The following TUBGCP3 variants were observed in gnomAD, a reference collection of about 807,000 sequenced individuals.
TUBGCP3 encodes gamma-tubulin complex component 3.
A neutral mutation model predicts 123.1 loss-of-function variants in TUBGCP3; 50 were observed. The observed-to-expected ratio is 0.41, with a 90% CI of 0.32 to 0.51. The LOEUF is 0.51. Among genes scored for constraint, TUBGCP3 ranks in the 20% least tolerant of loss-of-function variants. The pLI, the probability that TUBGCP3 is intolerant of heterozygous loss-of-function variation, is 0.36. For missense variants in TUBGCP3, 882 were observed against 1,127.0 expected, an observed-to-expected ratio of 0.78 and a Z score of 3.11; for synonymous variants, 405 against 413.9, an observed-to-expected ratio of 0.98 and a Z score of 0.26.
At chr13:112,588,618 G>T (rs745523127), upstream of TUBGCP3, among the ~76,000 whole-genome samples, 13 of 152,158 alleles carry the variant, frequency 8.5e-5, no homozygotes, top group Non-Finnish European at 1.8e-4. Context: ...CCCCCGGCCC[G>T]GGTAACTGGG....
chr13:112,492,379 C>G (rs1020935116), intron 20 of TUBGCP3, among the ~76,000 whole-genome samples: 11 of 152,224 alleles, frequency 7.2e-5, no homozygotes, highest in African/African-American at 2.7e-4. Flanking sequence ...TACTATTTTA[C>G]TGTCGTGTAA....
At chr13:112,599,336 C>T in the TUBGCP3 span, among the ~76,000 whole-genome samples, 1 of 152,202 alleles carries the variant, frequency 6.6e-6, no homozygotes, top group Non-Finnish European at 1.5e-5. Context: ...TTACGCTCCA[C>T]TTCCCTACGG....
At chr13:112,543,312 A>G (rs1376869585) in intron 11 of TUBGCP3, among the ~76,000 whole-genome samples, 3 of 152,252 alleles carry the variant, frequency 2.0e-5, no homozygotes, top group East Asian at 1.9e-4. Context: ...TGAGGTAACC[A>G]TTAGTAAAAT....
intron 20 of TUBGCP3, among the ~76,000 whole-genome samples, chr13:112,493,434 A>G (rs1168073401): frequency 7.1e-6 from 1 of 141,232 alleles, no homozygotes; most frequent in African/African-American, 2.7e-5. Flanking sequence ...TGGCTATGGG[A>G]ACATGGCCTG....
intron 4 of TUBGCP3, 32 bp from the exon 5 acceptor site, chr13:112,558,445 A>C: frequency 6.7e-7 from 1 of 1,494,028 alleles, no homozygotes; most frequent in Non-Finnish European, 9.0e-7. Flanking sequence ...GAGCAGAGAC[A>C]GGAAATTACA....
intron 14 of TUBGCP3, among the ~76,000 whole-genome samples, chr13:112,520,834 A>G (rs1876557302): frequency 1.3e-5 from 2 of 152,234 alleles, no homozygotes; most frequent in Admixed American, 6.5e-5. Context: ...GGGGTGACCA[A>G]GTTAGGAACA....
At chr13:112,523,705 C>T (rs560941698) in intron 13 of TUBGCP3, among the ~76,000 whole-genome samples, 1 of 152,190 alleles carries the variant, frequency 6.6e-6, no homozygotes, top group South Asian at 2.1e-4. Flanking sequence ...TCAGTCTTAG[C>T]CCAAAGCAGC....
chr13:112,572,220 G>A (rs1040042080), intron 1 of TUBGCP3, among the ~76,000 whole-genome samples: 4 of 152,216 alleles, frequency 2.6e-5, no homozygotes, highest in Non-Finnish European at 4.4e-5. Flanking sequence ...TTTAAAGTGA[G>A]AGGCATGTGA....
In TUBGCP3 at chr13:112,499,035, A is replaced by G; in HGVS notation, c.2448+10T>C. On this transcript the variant is annotated intron_variant, in intron 20 of 21. Coordinates refer to ENST00000261965, the MANE Select transcript of TUBGCP3 (RefSeq NM_006322.6). ...TCAAATAGATAAATTCACAAGTGTA[A>G]AGACCATACCTCAATTTCACGCTGT... 1 of 1,614,212 alleles carries G rather than the reference A, an allele frequency of 6.2e-7. No individual in the cohort carries two copies.
At chr13:112,599,789 G>A in the TUBGCP3 span, among the ~76,000 whole-genome samples, 1 of 152,112 alleles carries the variant, frequency 6.6e-6, no homozygotes. Context: ...AAAGTGCTGG[G>A]ATTACAGGCA....
intron 3 of TUBGCP3, among the ~76,000 whole-genome samples, chr13:112,561,279 C>T (rs916659177): frequency 2.0e-5 from 3 of 152,192 alleles, no homozygotes; most frequent in Non-Finnish European, 2.9e-5. Context: ...AACAGGGGCC[C>T]GTGAGGCTCA....
the TUBGCP3 span, among the ~76,000 whole-genome samples, chr13:112,596,972 A>G: frequency 6.6e-6 from 1 of 152,380 alleles, no homozygotes; most frequent in Middle Eastern, 3.4e-3. Flanking sequence ...CCTGGGAACC[A>G]AGATTTGGGA....
intron 1 of TUBGCP3, 114 bp from the exon 2 acceptor site, chr13:112,569,373 A>G (rs1881226690): frequency 1.2e-6 from 1 of 845,216 alleles, no homozygotes; most frequent in Non-Finnish European, 1.9e-6. Context: ...CCACCTCCCC[A>G]AGGTCTTAAC....
At chr13:112,599,736 G>T in the TUBGCP3 span, among the ~76,000 whole-genome samples, 1 of 151,972 alleles carries the variant, frequency 6.6e-6, no homozygotes, top group Non-Finnish European at 1.5e-5. Flanking sequence ...GGCCAGGCTG[G>T]TCTCAAACTC....
At chr13:112,498,889 TG>T in intron 20 of TUBGCP3, 155 bp downstream of exon 20, 1 of 1,613,276 alleles carries the variant, frequency 6.2e-7, no homozygotes, top group Non-Finnish European at 8.5e-7. Context: ...TCTTTACAAC[TG>T]TCAGTGATTT....
At position 112,516,555 on chromosome 13, in the gene TUBGCP3, C is replaced by T. The variant is rs1378561243; in HGVS notation, c.1971G>A (p.Met657Ile). The T allele has an allele frequency of 9.3e-6, 15 of 1,613,540 alleles. No individual in the cohort carries two copies. The highest frequency in any genetic ancestry group is 1.3e-5 in the Non-Finnish European group (15 of 1,179,872). The part of the protein sequence containing the change: ...PIATVFTREC[M>I]SHYLRVFNFL... ...AGTTAAATACTCTTAGGTAGTGGCT[C>T]ATACATTCTCGAGTAAACACCTGGG... The change falls in exon 17 of 22, where the codon ATG (methionine) becomes ATA (isoleucine). Residue 657 changes from methionine to isoleucine, a missense_variant. Physicochemically the swap from Met to Ile is conservative, Grantham distance 10. Around this residue, in one of 3 missense-constraint regions of TUBGCP3, gnomAD observed 713 missense variants for 874.0 expected, o/e 0.82. Coordinates refer to ENST00000261965, the MANE Select transcript of TUBGCP3 (RefSeq NM_006322.6).
At chr13:112,602,111 G>C in the TUBGCP3 span, among the ~76,000 whole-genome samples, 1 of 152,218 alleles carries the variant, frequency 6.6e-6, no homozygotes, top group Non-Finnish European at 1.5e-5. Context: ...GGGGAGACCA[G>C]TGTTTGAATC....
intron 5 of TUBGCP3, 67 bp downstream of exon 5, chr13:112,558,129 G>A: frequency 1.3e-6 from 2 of 1,501,384 alleles, no homozygotes; most frequent in Non-Finnish European, 1.8e-6. Context: ...TCAATGTCTG[G>A]TTAACAGCCT....
At chr13:112,492,159 C>G (rs1880140770) in intron 20 of TUBGCP3, among the ~76,000 whole-genome samples, 1 of 152,122 alleles carries the variant, frequency 6.6e-6, no homozygotes. Context: ...AATTATTGTC[C>G]TCCTTCCTTT....
Sources: gnomAD v4.1 joint callset for allele counts (sites outside exome capture counted in the v4.1 genomes callset) on GRCh38, gnomAD v4.1.1 for gene constraint, gnomAD v4.1.1 regional missense constraint, MANE v1.5 for transcripts, NCBI Gene and HGNC (gene_info 2026-07-23, HGNC 2026-07-21) for gene names.